The following CFAP20DC variants were observed in gnomAD, a reference collection of about 807,000 sequenced individuals.
CFAP20DC encodes the protein protein CFAP20DC.
In CFAP20DC, 84 loss-of-function variants were observed where a neutral mutation model predicts 101.7. The observed-to-expected ratio is 0.83, with a 90% CI of 0.69 to 0.99. The LOEUF (loss-of-function observed/expected upper bound fraction) is 0.99, where lower values mean the gene tolerates loss of function less well. Ranked by LOEUF, CFAP20DC falls within the 50% of genes least tolerant of loss-of-function variation. The probability of loss-of-function intolerance (pLI) is 0.00; values close to 1 mark genes in which losing one functional copy is unlikely to be tolerated. For synonymous variants in CFAP20DC, 359 were observed against 351.2 expected (o/e 1.02, Z -0.25); for missense variants, 1,007 against 970.3 (o/e 1.04, Z -0.50).
Position 58,753,960 on chromosome 3 carries a change from AAC to A in CFAP20DC, c.2238-99_2238-98del, listed in dbSNP as rs1431625871. ...CAGTTCCTTGGGGCTTCCAAAAAGA[AAC>A]ACTTTTTTTCCTCCTTCATATTTCA... On this transcript the variant is annotated intron_variant, in intron 15 of 16. Coordinates refer to ENST00000482387, the MANE Select transcript of CFAP20DC (RefSeq NM_001394063.1). The A allele has an allele frequency of 1.2e-5, 9 of 751,608 alleles. No homozygotes were observed. In the Admixed American group the frequency reaches 1.5e-4, roughly 12 times the overall value. The allele number at this position is 751,608 out of a possible 1,614,324, so 46.6% of individuals were successfully genotyped here.
chr3:58,934,688 T>C (rs906913357), intron 5 of CFAP20DC, among the ~76,000 whole-genome samples: 3 of 152,176 alleles, frequency 2.0e-5, no homozygotes, highest in Admixed American at 6.5e-5. Flanking sequence ...ATTATTTCAA[T>C]AGATGCAGAA....
Position 59,002,110 on chromosome 3 carries a change from T to C in CFAP20DC, c.278+37447A>G, listed in dbSNP as rs942992406. 4.6e-5 allele frequency among the ~76,000 whole-genome samples: 7 copies of C among 152,210 alleles called. No individual in the cohort carries two copies. Among genetic ancestry groups the C allele is most frequent in the African/African-American group, 1.7e-4 (7 of 41,462 alleles). On this transcript the variant is annotated intron_variant, in intron 4 of 16. Transcript: ENST00000482387. This position sits in a 1 kb window ranked among gnomAD's most constrained non-coding sequence, Gnocchi z 4.5. ...ATGGATTGTCAGAGCCTGAAAGAAC[T>C]GAGTTGGGGATCCCAGCTCTGTTAT...
intron 15 of CFAP20DC, among the ~76,000 whole-genome samples, chr3:58,768,649 T>C (rs1284581081): frequency 1.3e-5 from 2 of 152,190 alleles, no homozygotes; most frequent in Non-Finnish European, 2.9e-5. Context: ...CAAAATTTGT[T>C]TTTACGGTAA....
At chr3:58,976,493 G>A (rs902523037) in intron 4 of CFAP20DC, among the ~76,000 whole-genome samples, 9 of 152,188 alleles carry the variant, frequency 5.9e-5, no homozygotes, top group African/African-American at 2.2e-4. Flanking sequence ...TCCTGAAAGT[G>A]CCTGGGGTGA....
intron 5 of CFAP20DC, among the ~76,000 whole-genome samples, chr3:58,919,296 T>C (rs781407345): frequency 1.3e-5 from 2 of 152,160 alleles, no homozygotes; most frequent in Non-Finnish European, 2.9e-5. Context: ...ACTTGGTGAA[T>C]ACACCACAAT....
At chr3:58,839,055 A>T (rs138253706) in intron 13 of CFAP20DC, among the ~76,000 whole-genome samples, 16 of 152,350 alleles carry the variant, frequency 1.1e-4, no homozygotes, top group Admixed American at 7.2e-4. Flanking sequence ...ATATATCTGG[A>T]GTGGGAAGAT....
intron 3 of CFAP20DC, chr3:58,725,797 T>C (rs2067541046): frequency 5.0e-6 from 1 of 198,798 alleles, no homozygotes; most frequent in Non-Finnish European, 1.0e-5. Context: ...TTTAGTATGG[T>C]AATGAGGAGA....
chr3:58,888,354 C>T (rs1235449989), intron 6 of CFAP20DC, among the ~76,000 whole-genome samples: 4 of 152,174 alleles, frequency 2.6e-5, no homozygotes, highest in Non-Finnish European at 2.9e-5. Flanking sequence ...CTCCTTGAAG[C>T]TTACACCTAG....
At chr3:58,808,200 G>A (rs1438965181) in intron 14 of CFAP20DC, among the ~76,000 whole-genome samples, 1 of 152,140 alleles carries the variant, frequency 6.6e-6, no homozygotes, top group African/African-American at 2.4e-5. Context: ...TTCAGATTCA[G>A]GAAATACAGA....
chr3:59,034,841 G>T (rs1053018884), intron 4 of CFAP20DC, among the ~76,000 whole-genome samples: 1 of 152,172 alleles, frequency 6.6e-6, no homozygotes, highest in South Asian at 2.1e-4. Context: ...GGACCAACCA[G>T]AACTAATAGA....
In CFAP20DC at chr3:58,966,489, T is replaced by C. The variant is rs547517273; in HGVS notation, c.279-28727A>G. 6.3e-3 allele frequency among the ~76,000 whole-genome samples: 736 copies of C among 116,622 alleles called. 5 individuals carry two copies. Among genetic ancestry groups the C allele is most frequent in the Middle Eastern group, 0.021 (4 of 192 alleles). 76.5% of individuals were successfully genotyped at this position (116,622 alleles called of 152,430 possible). ...ATACATATGTGTATATATATATATATACACATATGTGTGTGTGTGTGTATA... is the reference window on the plus strand; with the variant it reads ...ATACATATGTGTATATATATATATACACACATATGTGTGTGTGTGTGTATA... On this transcript the variant is annotated intron_variant, in intron 4 of 16. Transcript: ENST00000482387.
chr3:58,828,571 C>T (rs2076192589), intron 14 of CFAP20DC, among the ~76,000 whole-genome samples: 1 of 152,136 alleles, frequency 6.6e-6, no homozygotes, highest in Non-Finnish European at 1.5e-5. Context: ...ACTGCATGTT[C>T]TCACTTATAA....
chr3:58,829,819 A>G (rs2108027838), intron 14 of CFAP20DC, among the ~76,000 whole-genome samples: 1 of 152,318 alleles, frequency 6.6e-6, no homozygotes, highest in East Asian at 1.9e-4. Flanking sequence ...TTTTCAGTCC[A>G]TAAATAATCA....
chr3:58,748,729 A>G (rs2068370487), intron 16 of CFAP20DC, among the ~76,000 whole-genome samples: 1 of 152,168 alleles, frequency 6.6e-6, no homozygotes, highest in African/African-American at 2.4e-5. Flanking sequence ...AGAAAATACA[A>G]CTTCCTAAAT....
Position 58,863,580 on chromosome 3 carries a change from T to G in CFAP20DC, c.1571A>C (p.Tyr524Ser), listed in dbSNP as rs750778562. ...SRDTQSEDDF[Y>S]GGDSSEEGNH... ...TACCTCTTCACTGCTGTCGCCGCCG[T>G]AAAAATCATCCTCTGATTGGGTGTC... Residue 524 changes from tyrosine (Y) to serine (S), a missense_variant, in exon 12 of 17, where the codon TAC (tyrosine) becomes TCC (serine). By Grantham distance (144) the Tyr-to-Ser change is moderately radical. Transcript: ENST00000482387. This position sits in a 1 kb window ranked among gnomAD's most constrained non-coding sequence, Gnocchi z 5.9. 2.5e-6 allele frequency: 4 copies of G among 1,614,160 alleles called. No homozygotes were observed. The East Asian group carries it at 6.7e-5, about 27-fold the overall frequency.
intron 3 of CFAP20DC, chr3:58,727,589 A>G (rs1392402640): frequency 6.6e-6 from 1 of 152,194 alleles, no homozygotes; most frequent in African/African-American, 2.4e-5. Flanking sequence ...GGCGCACGCC[A>G]CCATGCCAAG....
At chr3:58,998,688 G>C (rs576254778) in intron 4 of CFAP20DC, among the ~76,000 whole-genome samples, 7 of 152,222 alleles carry the variant, frequency 4.6e-5, no homozygotes, top group African/African-American at 1.7e-4. Flanking sequence ...GTGGAACTGA[G>C]CAGACATGAC....
At chr3:58,885,832 C>A (rs572604464) in intron 6 of CFAP20DC, among the ~76,000 whole-genome samples, 2 of 151,850 alleles carry the variant, frequency 1.3e-5, no homozygotes, top group Non-Finnish European at 2.9e-5. Flanking sequence ...TGTTTGTATA[C>A]CACATTTTCT....
chr3:58,978,610 G>A (rs1445528889), intron 4 of CFAP20DC, among the ~76,000 whole-genome samples: 1 of 151,654 alleles, frequency 6.6e-6, no homozygotes, highest in African/African-American at 2.4e-5. Context: ...TCTGGAGGCT[G>A]AGGCATGAGA....
Sources: allele counts gnomAD v4.1 joint callset (sites outside exome capture counted in the v4.1 genomes callset), GRCh38; gene constraint gnomAD v4.1.1; non-coding constraint Gnocchi (gnomAD v3.1); transcripts MANE v1.5; gene names NCBI Gene and HGNC (gene_info 2026-07-23, HGNC 2026-07-21).